RTN4RL1: variants seen among roughly 807,000 people sequenced by gnomAD.
The protein encoded by RTN4RL1 is reticulon-4 receptor-like 1.
Under a neutral mutation model 25.6 loss-of-function variants are expected in RTN4RL1, and 7 were observed. That is an observed-to-expected ratio of 0.27 (90% CI 0.16 to 0.51). RTN4RL1 has a LOEUF of 0.51. Ranked by LOEUF, RTN4RL1 falls within the 20% of genes least tolerant of loss-of-function variation. RTN4RL1 has a pLI of 0.97. For missense variants in RTN4RL1, 500 were observed against 615.6 expected, an observed-to-expected ratio of 0.81 and a Z score of 1.99; for synonymous variants, 297 against 288.2, an observed-to-expected ratio of 1.03 and a Z score of -0.31.
chr17:1,938,060 C>T (rs1390288874), intron 1 of RTN4RL1, among the ~76,000 whole-genome samples: 2 of 152,172 alleles, frequency 1.3e-5, no homozygotes, highest in African/African-American at 2.4e-5. Context: ...ATCACCCCCA[C>T]ACCTCCTTAG....
At chr17:1,946,692 G>C (rs971780624) in intron 1 of RTN4RL1, among the ~76,000 whole-genome samples, 2 of 145,342 alleles carry the variant, frequency 1.4e-5, no homozygotes, top group Non-Finnish European at 3.0e-5. Context: ...CTCTGTGAAT[G>C]TGTGTGTGCA....
Position 1,940,197 on chromosome 17 carries a change from G to A in RTN4RL1, c.14-2389C>T, listed in dbSNP as rs1041997556. 1.8e-4 allele frequency among the ~76,000 whole-genome samples: 27 copies of A among 152,306 alleles called. 1 individual carries two copies. The highest frequency in any genetic ancestry group is 3.9e-4 in the East Asian group (2 of 5,186). On this transcript the variant is annotated intron_variant, in intron 1 of 1. Coordinates refer to ENST00000331238, the MANE Select transcript of RTN4RL1 (RefSeq NM_178568.4). ...TGCTTCCCGTCCCCTGTAATCACCC[G>A]GCTTCGACTGAACATTTCCAACACA...
rs55654151 is a variant in RTN4RL1, at chr17:1,954,383, CTTTTT to C, written c.14-16580_14-16576del. Among the ~76,000 whole-genome samples, 7 of 124,326 alleles carry C rather than the reference CTTTTT, an allele frequency of 5.6e-5. 1 individual carries two copies. The Admixed American group carries it at 6.1e-4, about 11-fold the overall frequency. The allele number at this position is 124,326 out of a possible 152,430, so 81.6% of individuals were successfully genotyped here. On this transcript the variant is annotated intron_variant, in intron 1 of 1. Coordinates refer to ENST00000331238, the MANE Select transcript of RTN4RL1 (RefSeq NM_178568.4). ...CTTCCCTTCCTTCCTTGCTTCCTTC[CTTTTT>C]TTTTTTTTTTTTTTTTTGAGATGGA...
intron 1 of RTN4RL1, among the ~76,000 whole-genome samples, chr17:1,976,626 A>T (rs1375548271): frequency 6.6e-6 from 1 of 152,184 alleles, no homozygotes. Flanking sequence ...GAGGCCGTGC[A>T]GTTTATCTGA....
intron 1 of RTN4RL1, 80 bp from the exon 2 acceptor site, chr17:1,937,888 G>A: frequency 8.7e-7 from 1 of 1,147,794 alleles, no homozygotes; most frequent in East Asian, 2.5e-5. Flanking sequence ...GCCCGCCGAG[G>A]ACGCATCCTC....
In RTN4RL1 at chr17:1,955,161, C is replaced by A. The variant is rs142714372; in HGVS notation, c.14-17353G>T. Among the ~76,000 whole-genome samples the A allele has an allele frequency of 1.1e-3, 173 of 152,288 alleles. 1 individual carries two copies. Among genetic ancestry groups the A allele is most frequent in the African/African-American group, 4.0e-3 (168 of 41,556 alleles). ...GTGACCTCAGGCCCAGGAGGTTGAG[C>A]CCAGGTAGCATTTAGCATAGGCCTT... On this transcript the variant is annotated intron_variant, in intron 1 of 1. Transcript: ENST00000331238.
rs1475481669 is a variant in RTN4RL1 at position 1,994,358 on chromosome 17, C to T, written c.13+30495G>A. Among the ~76,000 whole-genome samples, 3 of 151,920 alleles carry T rather than the reference C, an allele frequency of 2.0e-5. No individual in the cohort carries two copies. Among genetic ancestry groups the T allele is most frequent in the Non-Finnish European group, 4.4e-5 (3 of 67,984 alleles). On this transcript the variant is annotated intron_variant, in intron 1 of 1. Transcript: ENST00000331238. The surrounding 1 kb of genome is among the most constrained non-coding windows in gnomAD (Gnocchi z 4.3). ...CATGTCTCCCCTGTGCTGAGCCCAC[C>T]GTGTTACAGAGGACCTACCAGCTCT...
chr17:2,007,144 A>G (rs188064298), intron 1 of RTN4RL1, among the ~76,000 whole-genome samples: 44 of 152,126 alleles, frequency 2.9e-4, no homozygotes, highest in Admixed American at 9.8e-4. Flanking sequence ...AAGTCTACAA[A>G]TACATCAAAA....
chr17:1,990,997 T>A (rs941347427), intron 1 of RTN4RL1, among the ~76,000 whole-genome samples: 1 of 152,112 alleles, frequency 6.6e-6, no homozygotes, highest in Non-Finnish European at 1.5e-5. Context: ...AACGAGTCCC[T>A]CTCTAGGCGC....
intron 1 of RTN4RL1, among the ~76,000 whole-genome samples, chr17:2,016,469 G>A (rs571997057): frequency 6.6e-6 from 1 of 152,286 alleles, no homozygotes; most frequent in Admixed American, 6.5e-5. Flanking sequence ...CAGAGATGAG[G>A]AGACATGTCT....
intron 1 of RTN4RL1, among the ~76,000 whole-genome samples, chr17:1,949,895 A>G (rs1337044233): frequency 6.6e-6 from 1 of 152,228 alleles, no homozygotes; most frequent in African/African-American, 2.4e-5. Context: ...AACCTAAAAG[A>G]TAAGAAGGAG....
intron 1 of RTN4RL1, chr17:2,019,151 T>G (rs914667204): frequency 6.6e-6 from 1 of 152,146 alleles, no homozygotes; most frequent in African/African-American, 2.4e-5. Context: ...TAGGGTCCCT[T>G]CCCAACTCCT....
intron 1 of RTN4RL1, among the ~76,000 whole-genome samples, chr17:1,980,503 TG>T (rs1430627454): frequency 6.6e-6 from 1 of 152,276 alleles, no homozygotes; most frequent in East Asian, 1.9e-4. Flanking sequence ...ATGCTAACAG[TG>T]GTGCTTGGCT....
Position 2,011,512 on chromosome 17 carries a change from G to A in RTN4RL1, c.13+13341C>T, listed in dbSNP as rs367774547. Among the ~76,000 whole-genome samples, 175 of 152,160 alleles carry A rather than the reference G, an allele frequency of 1.2e-3. 1 individual carries two copies. The highest frequency in any genetic ancestry group is 1.9e-3 in the Non-Finnish European group (131 of 68,030). On this transcript the variant is annotated intron_variant, in intron 1 of 1. Coordinates refer to ENST00000331238, the MANE Select transcript of RTN4RL1 (RefSeq NM_178568.4). ...AAGGCCGTGCTGGAGAGCAAGGGGT[G>A]GGTCCATGGCTTTGGATGTGGGGCA... is the stretch of plus-strand genomic sequence containing the variant.
intron 1 of RTN4RL1, among the ~76,000 whole-genome samples, chr17:1,969,486 G>C (rs1597501328): frequency 6.6e-6 from 1 of 152,150 alleles, no homozygotes; most frequent in East Asian, 1.9e-4. Context: ...ACCAACCAGA[G>C]AGAAAGCCAA....
intron 1 of RTN4RL1, among the ~76,000 whole-genome samples, chr17:2,000,131 C>G (rs939863029): frequency 1.1e-4 from 17 of 152,242 alleles, no homozygotes; most frequent in Non-Finnish European, 1.5e-5. Context: ...ACAGCTGTGT[C>G]AGGGAGAAGG....
intron 1 of RTN4RL1, among the ~76,000 whole-genome samples, chr17:2,016,242 G>T (rs1289275732): frequency 6.6e-6 from 1 of 152,136 alleles, no homozygotes; most frequent in Non-Finnish European, 1.5e-5. Context: ...TTAGCCAGTT[G>T]TGGTGGCAGG....
At chr17:1,970,364 G>T (rs58897443) in intron 1 of RTN4RL1, among the ~76,000 whole-genome samples, 1 of 152,156 alleles carries the variant, frequency 6.6e-6, no homozygotes, top group Non-Finnish European at 1.5e-5. Context: ...GATCTCTCCA[G>T]CAAGGTAGCT....
intron 1 of RTN4RL1, among the ~76,000 whole-genome samples, chr17:2,005,771 C>CTCCT (rs1412665600): frequency 7.0e-6 from 1 of 142,606 alleles, no homozygotes; most frequent in Non-Finnish European, 1.6e-5. Context: ...CTCTCCTTCT[C>CTCCT]TTTCTTTTTT....
Sources: gnomAD v4.1 joint callset for allele counts (sites outside exome capture counted in the v4.1 genomes callset) on GRCh38, gnomAD v4.1.1 for gene constraint, Gnocchi (gnomAD v3.1) non-coding constraint, MANE v1.5 for transcripts, NCBI Gene and HGNC (gene_info 2026-07-23, HGNC 2026-07-21) for gene names.